Variants in ACTR3B observed in about 807,000 individuals in gnomAD.
ACTR3B encodes actin-related protein 3B.
Under a neutral mutation model 59.0 loss-of-function variants are expected in ACTR3B, and 8 were observed. The observed-to-expected ratio is 0.14, with a 90% CI of 0.08 to 0.24. The LOEUF is 0.24. ACTR3B is among the 10% of genes least tolerant of loss of function. The probability of loss-of-function intolerance (pLI) is 1.00; values close to 1 mark genes in which losing one functional copy is unlikely to be tolerated. For synonymous variants in ACTR3B, 148 were observed against 197.9 expected, an observed-to-expected ratio of 0.75 and a Z score of 2.12; for missense variants, 245 against 552.3, an observed-to-expected ratio of 0.44 and a Z score of 5.58.
intron 1 of ACTR3B, among the ~76,000 whole-genome samples, chr7:152,767,855 G>A (rs531711672): frequency 6.6e-6 from 1 of 152,054 alleles, no homozygotes; most frequent in East Asian, 1.9e-4. Context: ...TTTATAACGT[G>A]CTGCTTTACA....
Position 152,781,923 on chromosome 7 carries a change from T to C in ACTR3B, c.45-1264T>C, listed in dbSNP as rs1233378163. On this transcript the variant is annotated intron_variant, in intron 1 of 11. Transcript: ENST00000256001. Reference sequence around the variant, plus strand: ...CTGGGTCTTGCCTCCAGAAGCTCCTTGTAGGCCTGAGGAGTCTCAGGACTT... The same window carrying C: ...CTGGGTCTTGCCTCCAGAAGCTCCTCGTAGGCCTGAGGAGTCTCAGGACTT... Among the ~76,000 whole-genome samples, 4 of 151,916 alleles carry C rather than the reference T, an allele frequency of 2.6e-5. No homozygotes were observed. The East Asian group carries it at 5.8e-4, about 22-fold the overall frequency.
In ACTR3B at chr7:152,816,484, G is replaced by A. The variant is rs1206685770; in HGVS notation, c.436G>A (p.Val146Met). ...VPGLYIAVQA[V>M]LALAASWTSR... Reference sequence around the variant, plus strand: ...GGTTTTCATGTCTTTTCTCCAGGCAGTGCTGGCCTTGGCGGCATCTTGGAC... The same window carrying A: ...GGTTTTCATGTCTTTTCTCCAGGCAATGCTGGCCTTGGCGGCATCTTGGAC... Residue 146 changes from valine to methionine, a missense_variant, in exon 6 of 12, where the codon GTG (valine) becomes ATG (methionine). Val to Met is a conservative substitution (Grantham distance 21). This residue lies in a region of ACTR3B where 40 missense variants were observed against 70.4 expected (regional missense o/e 0.57). Coordinates refer to ENST00000256001, the MANE Select transcript of ACTR3B (RefSeq NM_020445.6). 12 of 1,585,782 alleles carry A rather than the reference G, an allele frequency of 7.6e-6. No homozygotes were observed. The highest frequency in any genetic ancestry group is 1.0e-5 in the Non-Finnish European group (12 of 1,164,246).
At chr7:152,821,746 C>T (rs776559560) in intron 7 of ACTR3B, among the ~76,000 whole-genome samples, 1 of 152,206 alleles carries the variant, frequency 6.6e-6, no homozygotes, top group Non-Finnish European at 1.5e-5. Flanking sequence ...AGTCAGCTGC[C>T]CTGGCCCTGC....
chr7:152,760,509 C>G (rs550474507), intron 1 of ACTR3B, among the ~76,000 whole-genome samples: 19 of 152,222 alleles, frequency 1.2e-4, no homozygotes, highest in Non-Finnish European at 2.6e-4. Context: ...ACCATTTTTA[C>G]TGCCCTCCCT....
At chr7:152,837,239 C>T (rs1430630943) in intron 9 of ACTR3B, among the ~76,000 whole-genome samples, 1 of 152,174 alleles carries the variant, frequency 6.6e-6, no homozygotes, top group Non-Finnish European at 1.5e-5. Context: ...GTGTATATTT[C>T]TGAGGTACAG....
intron 6 of ACTR3B, among the ~76,000 whole-genome samples, chr7:152,819,037 G>T (rs544482702): frequency 2.6e-5 from 4 of 152,262 alleles, no homozygotes; most frequent in Non-Finnish European, 5.9e-5. Context: ...TTTAGAAAAT[G>T]TTACGTGTAA....
chr7:152,849,636 C>T (rs914366952), intron 9 of ACTR3B, among the ~76,000 whole-genome samples: 1 of 152,222 alleles, frequency 6.6e-6, no homozygotes, highest in Non-Finnish European at 1.5e-5. Flanking sequence ...TAAAAAGGTC[C>T]TGTGCATAAT....
chr7:152,789,928 G>A (rs1311660939), intron 2 of ACTR3B, among the ~76,000 whole-genome samples: 13 of 149,180 alleles, frequency 8.7e-5, no homozygotes, highest in Non-Finnish European at 1.5e-4. Flanking sequence ...ATGACAGTGA[G>A]TATTGACATT....
intron 9 of ACTR3B, among the ~76,000 whole-genome samples, chr7:152,846,741 G>A (rs1563155925): frequency 1.3e-5 from 2 of 150,052 alleles, no homozygotes; most frequent in East Asian, 4.0e-4. Context: ...TAGCGCCCGG[G>A]GCTGTAGTCT....
intron 2 of ACTR3B, among the ~76,000 whole-genome samples, chr7:152,791,210 T>C (rs774040005): frequency 1.3e-5 from 2 of 151,974 alleles, no homozygotes; most frequent in African/African-American, 2.4e-5. Context: ...AGGGTTTCAT[T>C]GTGTTGCCCA....
chr7:152,799,393 A>G (rs2098227502), intron 2 of ACTR3B, among the ~76,000 whole-genome samples: 1 of 152,218 alleles, frequency 6.6e-6, no homozygotes, highest in Admixed American at 6.5e-5. Flanking sequence ...TAGATTGTTA[A>G]GCTTCCCTTT....
chr7:152,810,413 T>G (rs866655564), intron 4 of ACTR3B, among the ~76,000 whole-genome samples: 62 of 93,966 alleles, frequency 6.6e-4, no homozygotes, highest in African/African-American at 2.2e-3. Flanking sequence ...AGCCTGTTTT[T>G]TTTTTTTTTT....
rs1563164650 is a variant in ACTR3B at position 152,854,651 on chromosome 7, G to T, written c.*98G>T. 7.7e-7 allele frequency: 1 copy of T among 1,294,344 alleles called. No individual in the cohort carries two copies. The allele number at this position is 1,294,344 out of a possible 1,614,324, so 80.2% of individuals were successfully genotyped here. ...CCGTTCTGTAAATAGCGACGTCGGTGTTGCTGCCCAGCAGCGTGCTTGCAT... is the reference window on the plus strand; with the variant it reads ...CCGTTCTGTAAATAGCGACGTCGGTTTTGCTGCCCAGCAGCGTGCTTGCAT... On this transcript the variant is annotated 3_prime_UTR_variant, in exon 12 of 12. Coordinates refer to ENST00000256001, the MANE Select transcript of ACTR3B (RefSeq NM_020445.6). The surrounding 1 kb of genome is among the most constrained non-coding windows in gnomAD (Gnocchi z 4.9).
At chr7:152,802,721 AT>A (rs1027741053) in intron 4 of ACTR3B, among the ~76,000 whole-genome samples, 1 of 151,798 alleles carries the variant, frequency 6.6e-6, no homozygotes, top group Non-Finnish European at 1.5e-5. Context: ...TTAGGTTTGG[AT>A]TTTTTTTCAT....
At chr7:152,820,078 G>T (rs947171421) in intron 6 of ACTR3B, among the ~76,000 whole-genome samples, 1 of 152,178 alleles carries the variant, frequency 6.6e-6, no homozygotes, top group Admixed American at 6.5e-5. Context: ...AGAGTGTCAG[G>T]TTATTGGAAT....
intron 2 of ACTR3B, among the ~76,000 whole-genome samples, chr7:152,795,587 G>T (rs2098213480): frequency 6.6e-6 from 1 of 152,040 alleles, no homozygotes; most frequent in Non-Finnish European, 1.5e-5. Context: ...GAGGTAACAG[G>T]GTAAATGCTT....
At chr7:152,808,874 C>T (rs1001726185) in intron 4 of ACTR3B, among the ~76,000 whole-genome samples, 2 of 152,150 alleles carry the variant, frequency 1.3e-5, no homozygotes, top group African/African-American at 4.8e-5. Context: ...TTTAATGCCA[C>T]CAACAACCCT....
intron 3 of ACTR3B, 138 bp downstream of exon 3, chr7:152,800,793 T>C: frequency 1.8e-6 from 2 of 1,141,278 alleles, no homozygotes; most frequent in Non-Finnish European, 2.4e-6. Context: ...GAGGTGGTGG[T>C]GATGGTTGGT....
At chr7:152,799,736 T>C (rs1197657681) in intron 2 of ACTR3B, among the ~76,000 whole-genome samples, 1 of 152,152 alleles carries the variant, frequency 6.6e-6, no homozygotes, top group Non-Finnish European at 1.5e-5. Flanking sequence ...GAGATGGTGT[T>C]GATGTCGAGA....
Sources: gnomAD v4.1 joint callset for allele counts (sites outside exome capture counted in the v4.1 genomes callset) on GRCh38, gnomAD v4.1.1 for gene constraint, gnomAD v4.1.1 regional missense constraint, Gnocchi (gnomAD v3.1) non-coding constraint, MANE v1.5 for transcripts, NCBI Gene and HGNC (gene_info 2026-07-23, HGNC 2026-07-21) for gene names.